DPP6: variants seen among roughly 807,000 people sequenced by gnomAD.
DPP6 encodes the protein dipeptidyl peptidase like 6, also known as A-type potassium channel modulatory protein DPP6.
DPP6 carries 69 observed loss-of-function variants against 122.6 expected under a neutral mutation model. The observed-to-expected ratio is 0.56, with a 90% confidence interval of 0.46 to 0.69. DPP6 has a LOEUF of 0.69. Among genes scored for constraint, DPP6 ranks in the 30% least tolerant of loss-of-function variants. DPP6 has a pLI of 0.00. For missense variants in DPP6, 928 were observed against 1,116.9 expected, an observed-to-expected ratio of 0.83 and a Z score of 2.41; for synonymous variants, 418 against 433.1, an observed-to-expected ratio of 0.97 and a Z score of 0.43.
intron 8 of DPP6, among the ~76,000 whole-genome samples, chr7:154,736,883 T>G (rs1375731769): frequency 1.3e-5 from 2 of 152,232 alleles, no homozygotes; most frequent in Non-Finnish European, 2.9e-5. Context: ...CCATGATCAC[T>G]CTTATTAGAA....
chr7:154,413,942 G>C (rs1180898187), intron 1 of DPP6, among the ~76,000 whole-genome samples: 1 of 152,126 alleles, frequency 6.6e-6, no homozygotes, highest in Non-Finnish European at 1.5e-5. Flanking sequence ...TATCATTTCT[G>C]TAGTATTGAA....
At chr7:154,591,903 A>T (rs2130733217) in intron 5 of DPP6, among the ~76,000 whole-genome samples, 1 of 152,322 alleles carries the variant, frequency 6.6e-6, no homozygotes, top group Admixed American at 6.5e-5. Flanking sequence ...GTCTGAAGGG[A>T]GCAGGATGAG....
In DPP6 at chr7:154,052,517, C is replaced by G. The variant is rs537312004; in HGVS notation, c.-304C>G. The stretch of plus-strand genomic sequence containing the variant: ...TTGATTAGGCCGTACGTGGCTGTGG[C>G]AAGGAGTTGGGGAAAAAAATTATAA... On this transcript the variant is annotated 5_prime_UTR_variant, in exon 1 of 26. Coordinates refer to ENST00000377770, the MANE Select transcript of DPP6 (RefSeq NM_130797.4). The surrounding 1 kb of genome is among the most constrained non-coding windows in gnomAD (Gnocchi z 4.8). The G allele has an allele frequency of 0.011, 7,418 of 675,036 alleles. 53 individuals carry two copies. Among genetic ancestry groups the G allele is most frequent in the Non-Finnish European group, 0.013 (6,614 of 517,156 alleles). The allele number at this position is 675,036 out of a possible 1,614,324, so 41.8% of individuals were successfully genotyped here.
At chr7:153,862,562 T>C in the DPP6 span, among the ~76,000 whole-genome samples, 2 of 152,232 alleles carry the variant, frequency 1.3e-5, no homozygotes, top group African/African-American at 4.8e-5. Context: ...TGTTTTGTTT[T>C]ATTTTGTTTC....
rs1434348805 is a variant in DPP6 at position 154,052,410 on chromosome 7, G to A, written c.-411G>A. The stretch of plus-strand genomic sequence containing the variant: ...GAGGAGAGCGCTCGGAATGTGTGCC[G>A]GTCTCTAGGTGGTGCCAAATTCTGG... On this transcript the variant is annotated 5_prime_UTR_variant, in exon 1 of 26. Transcript: ENST00000377770. This position sits in a 1 kb window ranked among gnomAD's most constrained non-coding sequence, Gnocchi z 4.8. 6.2e-6 allele frequency: 1 copy of A among 161,522 alleles called. No homozygotes were observed. The highest frequency in any genetic ancestry group is 1.3e-5 in the Non-Finnish European group (1 of 76,058). 10.0% of individuals were successfully genotyped at this position (161,522 alleles called of 1,614,324 possible).
chr7:153,858,603 C>A, the DPP6 span, among the ~76,000 whole-genome samples: 19 of 152,266 alleles, frequency 1.2e-4, no homozygotes, highest in African/African-American at 4.3e-4. Flanking sequence ...CCAGTGGCTT[C>A]CTGTGAAAGC....
At chr7:154,028,258 T>C (rs1405506214) in intron 1 of DPP6, among the ~76,000 whole-genome samples, 2 of 151,724 alleles carry the variant, frequency 1.3e-5, no homozygotes, top group East Asian at 3.9e-4. Flanking sequence ...CCTAATGTGC[T>C]TGTTTCATTT....
At chr7:154,276,767 C>T (rs537243947) in intron 1 of DPP6, among the ~76,000 whole-genome samples, 67 of 152,146 alleles carry the variant, frequency 4.4e-4, no homozygotes, top group African/African-American at 1.4e-3. Flanking sequence ...CTTCAAGCCT[C>T]GGGTCACAAC....
intron 6 of DPP6, among the ~76,000 whole-genome samples, chr7:154,642,069 T>C (rs1836137231): frequency 6.6e-6 from 1 of 152,228 alleles, no homozygotes; most frequent in African/African-American, 2.4e-5. Context: ...TCTAAGTTTA[T>C]AGACTGAGAT....
chr7:153,895,275 G>A (rs889955193), intron 1 of DPP6, among the ~76,000 whole-genome samples: 2 of 152,176 alleles, frequency 1.3e-5, no homozygotes, highest in East Asian at 1.9e-4. Context: ...GGCTGCCCTC[G>A]ACCAGCAGAA....
At chr7:153,989,199 G>T (rs1266311299) in intron 1 of DPP6, among the ~76,000 whole-genome samples, 4 of 135,886 alleles carry the variant, frequency 2.9e-5, no homozygotes, top group Admixed American at 8.2e-5. Context: ...GTGAGTGGGT[G>T]GGTGGGTGTG....
chr7:153,754,445 T>A, the DPP6 span, among the ~76,000 whole-genome samples: 2 of 152,252 alleles, frequency 1.3e-5, no homozygotes, highest in Non-Finnish European at 2.9e-5. Flanking sequence ...TCCCTGTATG[T>A]ACTGTATTAT....
rs201320840 is a variant in DPP6 at position 154,019,371 on chromosome 7, CTCTT to C, written c.51+131641_51+131644del. Among the ~76,000 whole-genome samples the C allele has an allele frequency of 4.0e-3, 610 of 151,964 alleles. 4 individuals carry two copies. The highest frequency in any genetic ancestry group is 0.013 in the African/African-American group (556 of 41,452). On this transcript the variant is annotated intron_variant, in intron 1 of 25. Coordinates refer to the DPP6 transcript ENST00000404039. ...TCTTTTCTTTTCTCTTTTCTCTCTT[CTCTT>C]TCTATTTCTTCTTTCTTTCTCCCTT...
chr7:154,882,437 A>G (rs902694810), intron 21 of DPP6, among the ~76,000 whole-genome samples: 1 of 152,210 alleles, frequency 6.6e-6, no homozygotes, highest in African/African-American at 2.4e-5. Flanking sequence ...AGACCCCACA[A>G]TGGTATTTCT....
chr7:153,764,140 T>A, the DPP6 span, among the ~76,000 whole-genome samples: 1 of 152,198 alleles, frequency 6.6e-6, no homozygotes, highest in Admixed American at 6.5e-5. Flanking sequence ...TTTACAAAAT[T>A]AAAATGCCCG....
chr7:154,097,834 G>A (rs1805442192), intron 1 of DPP6, among the ~76,000 whole-genome samples: 1 of 152,214 alleles, frequency 6.6e-6, no homozygotes, highest in Non-Finnish European at 1.5e-5. Context: ...TGCTAGCCAC[G>A]TAGGCCCTTC....
At chr7:154,693,994 C>A (rs1265316052) in intron 7 of DPP6, among the ~76,000 whole-genome samples, 1 of 152,186 alleles carries the variant, frequency 6.6e-6, no homozygotes, top group Non-Finnish European at 1.5e-5. Context: ...ATATCGTAGA[C>A]TGGGGTGCTT....
intron 1 of DPP6, among the ~76,000 whole-genome samples, chr7:154,097,620 A>C (rs557525175): frequency 8.5e-5 from 13 of 152,336 alleles, no homozygotes; most frequent in African/African-American, 3.1e-4. Context: ...TTACCCCAAC[A>C]CTTAGTGGCT....
chr7:154,147,446 T>TTTCCTTCC (rs200682495), intron 1 of DPP6, among the ~76,000 whole-genome samples: 3,552 of 143,010 alleles, frequency 0.025, 71 homozygotes, highest in African/African-American at 0.061. Flanking sequence ...ACTTTATTCA[T>TTTCCTTCC]TTCCTTCCTT....
Sources: gnomAD v4.1 joint callset for allele counts (sites outside exome capture counted in the v4.1 genomes callset) on GRCh38, gnomAD v4.1.1 for gene constraint, Gnocchi (gnomAD v3.1) non-coding constraint, MANE v1.5 for transcripts, NCBI Gene and HGNC (gene_info 2026-07-23, HGNC 2026-07-21) for gene names.